Variants in SLC41A1 observed in about 807,000 individuals in gnomAD.
SLC41A1 encodes the protein solute carrier family 41 (magnesium transporter), member 1.
SLC41A1 carries 20 observed loss-of-function variants against 47.3 expected under a neutral mutation model. The observed-to-expected ratio is 0.42, with a 90% CI of 0.30 to 0.61. The LOEUF is 0.61. SLC41A1 is among the 20% of genes least tolerant of loss of function. SLC41A1 has a pLI of 0.17. For synonymous variants in SLC41A1, 282 were observed against 272.7 expected, an observed-to-expected ratio of 1.03 and a Z score of -0.34; for missense variants, 504 against 674.1, an observed-to-expected ratio of 0.75 and a Z score of 2.79.
chr1:205,811,249 T>C (rs1656148315), intron 1 of SLC41A1, among the ~76,000 whole-genome samples, 162 bp from the exon 2 acceptor site: 1 of 152,244 alleles, frequency 6.6e-6, no homozygotes, highest in African/African-American at 2.4e-5. Flanking sequence ...AGTCCTGCAC[T>C]GCTCCATCTG....
Position 205,791,765 on chromosome 1 carries a change from G to A in SLC41A1, c.1357-47C>T, listed in dbSNP as rs1261088753. 1 of 1,603,904 alleles carries A rather than the reference G, an allele frequency of 6.2e-7. No homozygotes were observed. Among genetic ancestry groups the A allele is most frequent in the Non-Finnish European group, 8.5e-7 (1 of 1,175,778 alleles). Reference sequence around the variant, plus strand: ...GCCTATAGCCATCCTCTCTCTCCAGGGGGAGCCAGAGGCCACATGATCAGA... The same window carrying A: ...GCCTATAGCCATCCTCTCTCTCCAGAGGGAGCCAGAGGCCACATGATCAGA... On this transcript the variant is annotated intron_variant, in intron 10 of 10. Coordinates refer to ENST00000367137, the MANE Select transcript of SLC41A1 (RefSeq NM_173854.6). This position sits in a 1 kb window ranked among gnomAD's most constrained non-coding sequence, Gnocchi z 4.0.
intron 2 of SLC41A1, 148 bp downstream of exon 2, chr1:205,809,922 A>C: frequency 7.8e-7 from 1 of 1,278,872 alleles, no homozygotes; most frequent in Non-Finnish European, 1.1e-6. Flanking sequence ...TAGACCAAGA[A>C]GAAACCGAGG....
At position 205,795,383 on chromosome 1, in the gene SLC41A1, G is replaced by C. The variant is rs781347037; in HGVS notation, c.1168C>G (p.Arg390Gly). The C allele has an allele frequency of 3.1e-6, 5 of 1,614,082 alleles. No individual in the cohort carries two copies. Among genetic ancestry groups the C allele is most frequent in the Non-Finnish European group, 4.2e-6 (5 of 1,180,040 alleles). The change falls in exon 9 of 11, where the codon CGC (arginine) becomes GGC (glycine). Residue 390 changes from arginine to glycine, a missense_variant. Arg to Gly is a moderately radical substitution (Grantham distance 125). This residue lies in a region of SLC41A1 where 421 missense variants were observed against 601.6 expected (regional missense o/e 0.70). Coordinates refer to ENST00000367137, the MANE Select transcript of SLC41A1 (RefSeq NM_173854.6). The part of the protein sequence containing the change: ...MPGENSEQAP[R>G]RCPSPCTTFF... Reference sequence around the variant, plus strand: ...GTGGTACAAGGACTGGGACAGCGGCGAGGAGCTTGCTCAGAGTTCTCTCCG... The same window carrying C: ...GTGGTACAAGGACTGGGACAGCGGCCAGGAGCTTGCTCAGAGTTCTCTCCG...
rs1571642073 is a variant in SLC41A1 at position 205,797,817 on chromosome 1, C to A, written c.992+87G>T. On this transcript the variant is annotated intron_variant, in intron 7 of 10. Transcript: ENST00000367137. ...TAATGAACACATTTCTAGGGTCTGA[C>A]CCCCACCCCATCTCTCCAGGGTTTA... 1.8e-5 allele frequency: 28 copies of A among 1,545,714 alleles called. No homozygotes were observed. In the East Asian group the frequency reaches 6.3e-4, roughly 35 times the overall value.
chr1:205,811,881 G>A (rs2102513575), intron 1 of SLC41A1, among the ~76,000 whole-genome samples: 1 of 152,322 alleles, frequency 6.6e-6, no homozygotes, highest in East Asian at 1.9e-4. Context: ...AAGGGACAGA[G>A]CATAAAACGA....
chr1:205,801,736 G>A (rs1282517291), intron 2 of SLC41A1, among the ~76,000 whole-genome samples: 2 of 152,358 alleles, frequency 1.3e-5, no homozygotes, highest in Middle Eastern at 3.4e-3. Context: ...TGTAGGAAGA[G>A]CCCTGGACCG....
Position 205,812,879 on chromosome 1 carries a change from G to A in SLC41A1, c.-718C>T, listed in dbSNP as rs1417779231. The A allele has an allele frequency of 1.0e-6, 1 of 985,100 alleles. No homozygotes were observed. The highest frequency in any genetic ancestry group is 1.1e-4 in the East Asian group (1 of 8,806). 61.0% of individuals were successfully genotyped at this position (985,100 alleles called of 1,614,324 possible). Reference sequence around the variant, plus strand: ...TGGCCCGTGGTCTCGGGGGGTGCAGGGCACCCCCTCTTCTCATCACTCCTC... The same window carrying A: ...TGGCCCGTGGTCTCGGGGGGTGCAGAGCACCCCCTCTTCTCATCACTCCTC... On this transcript the variant is annotated 5_prime_UTR_variant, in exon 1 of 11. Transcript: ENST00000367137.
chr1:205,797,419 A>G (rs1021594993), intron 7 of SLC41A1, among the ~76,000 whole-genome samples: 4 of 152,226 alleles, frequency 2.6e-5, no homozygotes, highest in Non-Finnish European at 2.9e-5. Flanking sequence ...CAATGCCTCA[A>G]TGATAGCTAG....
rs1655571362 is a variant in SLC41A1, at chr1:205,789,566, G to A, written c.*1967C>T. On this transcript the variant is annotated 3_prime_UTR_variant, in exon 11 of 11. Coordinates refer to ENST00000367137, the MANE Select transcript of SLC41A1 (RefSeq NM_173854.6). The stretch of plus-strand genomic sequence containing the variant: ...AATCTGTGTGTAAGTATTTTTTGAG[G>A]TGGAGGAAAAGATGAAAAAAGTCCA... 6.6e-6 allele frequency: 1 copy of A among 152,238 alleles called. No individual in the cohort carries two copies. Among genetic ancestry groups the A allele is most frequent in the Non-Finnish European group, 1.5e-5 (1 of 68,076 alleles). The allele number at this position is 152,238 out of a possible 1,614,324, so 9.4% of individuals were successfully genotyped here.
intron 2 of SLC41A1, among the ~76,000 whole-genome samples, chr1:205,802,045 A>G (rs823066): frequency 0.85 from 129,323 of 152,222 alleles, 56,011 homozygotes; most frequent in Non-Finnish European, 0.94. Flanking sequence ...ACTTGCAAAA[A>G]GGTTTAGGAT....
rs907288104 is a variant in SLC41A1, at chr1:205,789,218, G to A, written c.*2315C>T. On this transcript the variant is annotated 3_prime_UTR_variant, in exon 11 of 11. Coordinates refer to ENST00000367137, the MANE Select transcript of SLC41A1 (RefSeq NM_173854.6). ...CAGTTCTGTAACTTTTTAAGGATAC[G>A]AGAGTAAACCAATATTGCTCCTTGC... 6.6e-6 allele frequency: 1 copy of A among 152,198 alleles called. No individual in the cohort carries two copies. Among genetic ancestry groups the A allele is most frequent in the Non-Finnish European group, 1.5e-5 (1 of 68,038 alleles). The allele number at this position is 152,198 out of a possible 1,614,324, so 9.4% of individuals were successfully genotyped here. A position where few individuals can be genotyped will look rare whatever the true frequency, so the allele number is the denominator to read the frequency against.
intron 2 of SLC41A1, among the ~76,000 whole-genome samples, chr1:205,805,507 C>T (rs1655994765): frequency 6.6e-6 from 1 of 152,140 alleles, no homozygotes; most frequent in Admixed American, 6.5e-5. Context: ...CCTGAAGTCA[C>T]ACCCGTCTGC....
chr1:205,804,502 T>A (rs1655968506), intron 2 of SLC41A1, among the ~76,000 whole-genome samples: 1 of 151,990 alleles, frequency 6.6e-6, no homozygotes, highest in Non-Finnish European at 1.5e-5. Flanking sequence ...GGGAAGTGAA[T>A]CCCTTCCCAC....
intron 3 of SLC41A1, 39 bp downstream of exon 3, chr1:205,800,907 CCCAGAGT>C (rs745637445): frequency 1.3e-6 from 2 of 1,547,284 alleles, no homozygotes; most frequent in African/African-American, 2.7e-5. Context: ...CTCTGTGCTG[CCCAGAGT>C]CCTCTCTGTG....
intron 4 of SLC41A1, 127 bp downstream of exon 4, chr1:205,799,632 T>C (rs1203369539): frequency 9.4e-7 from 1 of 1,066,970 alleles, no homozygotes; most frequent in African/African-American, 1.6e-5. Flanking sequence ...AGAGCTACTC[T>C]GGGGGAAGCC....
At chr1:205,808,654 C>T (rs1427168955) in intron 2 of SLC41A1, among the ~76,000 whole-genome samples, 1 of 152,188 alleles carries the variant, frequency 6.6e-6, no homozygotes, top group Non-Finnish European at 1.5e-5. Context: ...CCAGTCCCGG[C>T]CCTAGGGGGA....
chr1:205,813,037 G>A lies in SLC41A1; in HGVS notation c.-876C>T, dbSNP rs1656199681. On this transcript the variant is annotated 5_prime_UTR_variant, in exon 1 of 11. Transcript: ENST00000367137. ...GGCCGCCGCTCCGCTTCCACGCGGG[G>A]GAGGTGGCCGGGGAGGGCAGGATAT... 1 of 985,428 alleles carries A rather than the reference G, an allele frequency of 1.0e-6. No individual in the cohort carries two copies. Among genetic ancestry groups the A allele is most frequent in the Non-Finnish European group, 1.2e-6 (1 of 830,008 alleles). 61.0% of individuals were successfully genotyped at this position (985,428 alleles called of 1,614,324 possible). A position where few individuals can be genotyped will look rare whatever the true frequency, so the allele number is the denominator to read the frequency against.
In SLC41A1 at chr1:205,789,156, T is replaced by C. The variant is rs574998066; in HGVS notation, c.*2377A>G. 1.3e-5 allele frequency: 2 copies of C among 152,360 alleles called. No homozygotes were observed. The highest frequency in any genetic ancestry group is 6.5e-5 in the Admixed American group (1 of 15,304). 9.4% of individuals were successfully genotyped at this position (152,360 alleles called of 1,614,324 possible). A position where few individuals can be genotyped will look rare whatever the true frequency, so the allele number is the denominator to read the frequency against. ...TATCAGTTAAGTTGACATTTGTCAA[T>C]TCAGTTATAGTAACTATAAATAATT... On this transcript the variant is annotated 3_prime_UTR_variant, in exon 11 of 11. Transcript: ENST00000367137.
At chr1:205,811,359 T>C (rs146304639) in intron 1 of SLC41A1, among the ~76,000 whole-genome samples, 4 of 152,268 alleles carry the variant, frequency 2.6e-5, no homozygotes, top group African/African-American at 4.8e-5. Context: ...CAGCCTGGGA[T>C]TGGGAAGATG....
Sources: allele counts gnomAD v4.1 joint callset (sites outside exome capture counted in the v4.1 genomes callset), GRCh38; gene constraint gnomAD v4.1.1; regional missense constraint gnomAD v4.1.1; non-coding constraint Gnocchi (gnomAD v3.1); transcripts MANE v1.5; gene names NCBI Gene and HGNC (gene_info 2026-07-23, HGNC 2026-07-21).